INSL6: variants seen among roughly 807,000 people sequenced by gnomAD.
The protein encoded by INSL6 is insulin-like peptide INSL6.
In INSL6, 16 loss-of-function variants were observed where a neutral mutation model predicts 9.4. That is an observed-to-expected ratio of 1.70 (90% CI 1.15 to 2.59). The LOEUF (loss-of-function observed/expected upper bound fraction) is 2.59. INSL6 is among the 30% of genes most tolerant of loss of function. INSL6 has a pLI of 0.00. For missense variants in INSL6, 391 were observed against 257.3 expected, an observed-to-expected ratio of 1.52 and a Z score of -3.56; for synonymous variants, 154 against 96.9, an observed-to-expected ratio of 1.59 and a Z score of -3.46.
At chr9:5,110,328 G>T in the INSL6 span, 3 of 152,144 alleles carry the variant, frequency 2.0e-5, no homozygotes, top group Non-Finnish European at 4.4e-5. Context: ...CTTATTTACA[G>T]CAATCTGCGC....
At chr9:5,021,122 G>C in the INSL6 span, among the ~76,000 whole-genome samples, 1 of 152,174 alleles carries the variant, frequency 6.6e-6, no homozygotes, top group Non-Finnish European at 1.5e-5. Flanking sequence ...TCCCCACATT[G>C]TGCAGGCTCT....
intron 1 of INSL6, among the ~76,000 whole-genome samples, chr9:5,184,959 A>C (rs1045456302): frequency 2.6e-5 from 4 of 152,206 alleles, no homozygotes; most frequent in African/African-American, 9.7e-5. Flanking sequence ...TAGAAAGGAC[A>C]ATGGAGCCAT....
Position 5,138,604 on chromosome 9 carries a change from T to C in INSL6, c.377-5012A>G, listed in dbSNP as rs192084167. On this transcript the variant is annotated intron_variant, in intron 2 of 3. Coordinates refer to the INSL6 transcript ENST00000649639. ...TGGGCAGTGGGGGGCTAGGGAGCTATTGCATTAGGAGAAATGCCTAATGTA... is the reference window on the plus strand; with the variant it reads ...TGGGCAGTGGGGGGCTAGGGAGCTACTGCATTAGGAGAAATGCCTAATGTA... 3.4e-3 allele frequency among the ~76,000 whole-genome samples: 521 copies of C among 151,674 alleles called. 2 individuals are homozygous for C. The highest frequency in any genetic ancestry group is 6.3e-3 in the Non-Finnish European group (429 of 67,676).
chr9:5,126,527 T>C, intron 3 of INSL6: 2 of 1,054,786 alleles, frequency 1.9e-6, no homozygotes, highest in South Asian at 1.4e-5. Flanking sequence ...CTTCCTGAAA[T>C]TTAATGTGCG....
the INSL6 span, chr9:5,041,568 C>CT: frequency 3.9e-6 from 2 of 519,164 alleles, no homozygotes; most frequent in African/African-American, 1.9e-5. Context: ...GGCTACGTAC[C>CT]TGCACTACGT....
intron 2 of INSL6, among the ~76,000 whole-genome samples, chr9:5,140,329 C>G (rs1464556575): frequency 6.6e-6 from 1 of 152,010 alleles, no homozygotes; most frequent in African/African-American, 2.4e-5. Context: ...CCTAATGTAC[C>G]TAATCATAAT....
At chr9:5,132,104 T>C (rs1824303792) in intron 3 of INSL6, 1 of 152,192 alleles carries the variant, frequency 6.6e-6, no homozygotes, top group Non-Finnish European at 1.5e-5. Context: ...AGTTTTACCT[T>C]CTTATTGAAG....
chr9:5,146,491 G>T (rs1210206595), intron 2 of INSL6, among the ~76,000 whole-genome samples: 1 of 152,180 alleles, frequency 6.6e-6, no homozygotes, highest in Non-Finnish European at 1.5e-5. Context: ...GGGGTGGGGT[G>T]CTGGATAGCA....
At chr9:5,024,692 A>G in the INSL6 span, among the ~76,000 whole-genome samples, 1 of 152,164 alleles carries the variant, frequency 6.6e-6, no homozygotes. Context: ...CCTCTGCCCC[A>G]GATAGCAACA....
the INSL6 span, chr9:5,089,638 C>CTT: frequency 1.0e-6 from 1 of 1,001,854 alleles, no homozygotes; most frequent in African/African-American, 1.7e-5. Flanking sequence ...GCCTTGAAAA[C>CTT]TTGGTATTTC....
chr9:5,088,826 C>A, the INSL6 span, among the ~76,000 whole-genome samples: 1 of 152,192 alleles, frequency 6.6e-6, no homozygotes, highest in Non-Finnish European at 1.5e-5. Flanking sequence ...AGCCTTGTCA[C>A]ATTAGAGTTC....
chr9:5,032,407 C>G, the INSL6 span, among the ~76,000 whole-genome samples: 1 of 152,180 alleles, frequency 6.6e-6, no homozygotes, highest in Non-Finnish European at 1.5e-5. Context: ...AGTGGTTCTC[C>G]CAGAATGCAG....
At chr9:5,102,882 C>G in the INSL6 span, among the ~76,000 whole-genome samples, 2 of 152,220 alleles carry the variant, frequency 1.3e-5, no homozygotes, top group Middle Eastern at 3.4e-3. Context: ...CTTACAAGAT[C>G]TCCTGAAGGA....
At chr9:5,091,280 T>C in the INSL6 span, 1 of 159,960 alleles carries the variant, frequency 6.3e-6, no homozygotes, top group Non-Finnish European at 1.4e-5. Context: ...TTGGGTGGTA[T>C]AATGGTTATT....
At chr9:5,077,851 C>G in the INSL6 span, among the ~76,000 whole-genome samples, 1 of 152,148 alleles carries the variant, frequency 6.6e-6, no homozygotes. Context: ...GAAAATTCAA[C>G]CAAAAATTAT....
chr9:5,023,423 G>A, the INSL6 span, among the ~76,000 whole-genome samples: 3 of 152,116 alleles, frequency 2.0e-5, no homozygotes, highest in African/African-American at 7.2e-5. Flanking sequence ...TGCTGTAGCT[G>A]CTTAGGACTC....
chr9:5,038,486 C>A, the INSL6 span, among the ~76,000 whole-genome samples: 2 of 152,126 alleles, frequency 1.3e-5, no homozygotes, highest in East Asian at 3.9e-4. Context: ...AAACTACAGA[C>A]CAATGTTGTA....
At chr9:5,119,577 C>T (rs950863732), downstream of INSL6, among the ~76,000 whole-genome samples, 1 of 152,012 alleles carries the variant, frequency 6.6e-6, no homozygotes, top group Non-Finnish European at 1.5e-5. Context: ...AAGATAATTT[C>T]TCATTACTTA....
At chr9:5,122,822 C>T (rs1425551695), downstream of INSL6, among the ~76,000 whole-genome samples, 1 of 150,890 alleles carries the variant, frequency 6.6e-6, no homozygotes, top group Non-Finnish European at 1.5e-5. Context: ...GGAATCCCTC[C>T]TGAAATCTAA....
Sources: allele counts gnomAD v4.1 joint callset (sites outside exome capture counted in the v4.1 genomes callset), GRCh38; gene constraint gnomAD v4.1.1; transcripts MANE v1.5; gene names NCBI Gene and HGNC (gene_info 2026-07-23, HGNC 2026-07-21).